FANCI: variants seen among roughly 807,000 people sequenced by gnomAD.
FANCI encodes FA complementation group I.
FANCI carries 156 observed loss-of-function variants against 176.1 expected under a neutral mutation model. The observed-to-expected ratio is 0.89, with a 90% CI of 0.78 to 1.01. The LOEUF is 1.01. FANCI is among the 50% of genes least tolerant of loss of function. FANCI has a pLI of 0.00. For synonymous variants in FANCI, 613 were observed against 541.7 expected, an observed-to-expected ratio of 1.13 and a Z score of -1.83; for missense variants, 1,678 against 1,534.1, an observed-to-expected ratio of 1.09 and a Z score of -1.57.
intron 30 of FANCI, 88 bp from the exon 31 acceptor site, chr15:89,305,517 C>A (rs1266158945): frequency 1.3e-6 from 2 of 1,595,480 alleles, no homozygotes; most frequent in East Asian, 2.2e-5. Context: ...GGCCTGTAAC[C>A]CACCTGTAGG....
chr15:89,282,753 CATTAT>C (rs1264050978), intron 16 of FANCI: 3 of 304,784 alleles, frequency 9.8e-6, no homozygotes, highest in East Asian at 1.6e-4. Context: ...TCAAATATTA[CATTAT>C]CCTATGATGA....
At chr15:89,254,174 G>A (rs1261441903) in intron 2 of FANCI, among the ~76,000 whole-genome samples, 3 of 151,954 alleles carry the variant, frequency 2.0e-5, no homozygotes, top group South Asian at 2.1e-4. Flanking sequence ...TTTGGGCAAC[G>A]TGGTCAAATC....
Position 89,316,430 on chromosome 15 carries a change from G to C in FANCI, c.3958G>C (p.Glu1320Gln). Residue 1320 changes from glutamate (E) to glutamine (Q), a missense_variant, in exon 38 of 38, where the codon GAA becomes CAA. Glu to Gln is a conservative substitution (Grantham distance 29, BLOSUM62 2). This residue lies in a region of FANCI where 1,204 missense variants were observed against 1,077.4 expected (regional missense o/e 1.12). Coordinates refer to ENST00000310775, the MANE Select transcript of FANCI (RefSeq NM_001113378.2). ...ATCAGAGCATGGGGGACAGAACAAA[G>C]AACCAGCCAAGAAGAAAAGGAAAAA... ...TASEHGGQNK[E>Q]PAKKKRKK 6.2e-7 allele frequency: 1 copy of C among 1,611,764 alleles called. No homozygotes were observed.
Position 89,317,054 on chromosome 15 carries a change from A to AT in FANCI, c.*598dup, listed in dbSNP as rs1364806620. On this transcript the variant is annotated 3_prime_UTR_variant, in exon 38 of 38. Coordinates refer to ENST00000310775, the MANE Select transcript of FANCI (RefSeq NM_001113378.2). The stretch of plus-strand genomic sequence containing the variant: ...AAGCTTTCTGATTTACTTGTTTGGT[A>AT]TTTAAAGCACAGTTTGTTTTTCTGT... 2 of 593,010 alleles carry AT rather than the reference A, an allele frequency of 3.4e-6. No homozygotes were observed. Among genetic ancestry groups the AT allele is most frequent in the Non-Finnish European group, 6.0e-6 (2 of 335,774 alleles). 36.7% of individuals were successfully genotyped at this position (593,010 alleles called of 1,614,324 possible).
At position 89,281,271 on chromosome 15, in the gene FANCI, A is replaced by T. The variant is rs1186002474; in HGVS notation, c.1483A>T (p.Thr495Ser). The T allele has an allele frequency of 1.2e-6, 2 of 1,613,758 alleles. No individual in the cohort carries two copies. The highest frequency in any genetic ancestry group is 2.7e-5 in the African/African-American group (2 of 74,922). The part of the protein sequence containing the change: ...FDYLSFLPLQ[T>S]VQRLLKAVQP... ...CTATTTGTCCTTTCTGCCCCTTCAGACTGTACAAAGGCTGCTTAAGGCAGT... is the reference window on the plus strand; with the variant it reads ...CTATTTGTCCTTTCTGCCCCTTCAGTCTGTACAAAGGCTGCTTAAGGCAGT... The change falls in exon 15 of 38, where the codon ACT becomes TCT. Residue 495 changes from threonine to serine, a missense_variant. Thr to Ser is a moderately conservative substitution (Grantham distance 58). Coordinates refer to ENST00000310775, the MANE Select transcript of FANCI (RefSeq NM_001113378.2).
chr15:89,302,206 G>C (rs1037476319), intron 27 of FANCI, among the ~76,000 whole-genome samples: 7 of 152,190 alleles, frequency 4.6e-5, no homozygotes, highest in African/African-American at 1.7e-4. Flanking sequence ...TGCCTCAGAA[G>C]ACTGTAGCCT....
intron 9 of FANCI, among the ~76,000 whole-genome samples, chr15:89,266,522 T>C (rs574744678): frequency 6.6e-6 from 1 of 151,732 alleles, no homozygotes; most frequent in South Asian, 2.1e-4. Flanking sequence ...AGAGACGGGC[T>C]TTCACCATAT....
At chr15:89,299,149 G>A (rs985634163) in intron 24 of FANCI, among the ~76,000 whole-genome samples, 1 of 146,196 alleles carries the variant, frequency 6.8e-6, no homozygotes, top group Admixed American at 6.9e-5. Context: ...CAGCCTGGGT[G>A]ACAGAGTGAG....
chr15:89,290,560 T>C (rs2054022403), intron 19 of FANCI: 2 of 405,420 alleles, frequency 4.9e-6, no homozygotes, highest in East Asian at 4.6e-5. Flanking sequence ...TAAGGACCAT[T>C]GCAACTGTAT....
intron 27 of FANCI, among the ~76,000 whole-genome samples, chr15:89,303,270 G>A (rs2054591823): frequency 6.6e-6 from 1 of 152,344 alleles, no homozygotes; most frequent in Non-Finnish European, 1.5e-5. Flanking sequence ...GCATTTCGGT[G>A]CCTTTGTAGC....
rs530306885 is a variant in FANCI at position 89,306,081 on chromosome 15, C to T, written c.3424C>T (p.Leu1142Phe). ...KAIIMQLGTLLTFFHELVQTA... is the reference protein window; with the variant it reads ...KAIIMQLGTLFTFFHELVQTA... ...TATCATCATGCAACTGGGAACTCTG[C>T]TTACATTTTTCCACGAGCTGGTGCA... The change falls in exon 32 of 38, where the codon CTT becomes TTT. Residue 1142 changes from leucine to phenylalanine, a missense_variant. Physicochemically the swap from Leu to Phe is conservative, Grantham distance 22 (BLOSUM62 0). Transcript: ENST00000310775. 3 of 1,614,216 alleles carry T rather than the reference C, an allele frequency of 1.9e-6. No homozygotes were observed. The highest frequency in any genetic ancestry group is 2.2e-5 in the South Asian group (2 of 91,088).
chr15:89,286,550 A>G (rs3940291), intron 18 of FANCI, among the ~76,000 whole-genome samples: 70,354 of 152,022 alleles, frequency 0.46, 17,136 homozygotes, highest in African/African-American at 0.62. Context: ...TATTTTGAGA[A>G]GAATCTTTTT....
downstream of FANCI, chr15:89,317,221 TGGACACA>T: frequency 1.4e-6 from 1 of 692,062 alleles, no homozygotes; most frequent in South Asian, 1.7e-5. Flanking sequence ...ACATTCACTC[TGGACACA>T]GGGCACCTTA....
At chr15:89,258,301 G>T (rs1264625160) in intron 2 of FANCI, among the ~76,000 whole-genome samples, 2 of 151,878 alleles carry the variant, frequency 1.3e-5, no homozygotes, top group African/African-American at 4.8e-5. Context: ...GTCTATCTCA[G>T]CCTCTTATTT....
chr15:89,263,003 G>A (rs1013846099), intron 6 of FANCI, among the ~76,000 whole-genome samples: 9 of 152,116 alleles, frequency 5.9e-5, no homozygotes, highest in African/African-American at 2.2e-4. Context: ...CAAAGTGTTG[G>A]GATAATAAGC....
chr15:89,283,243 T>C lies in FANCI; in HGVS notation c.1691T>C (p.Val564Ala). 1 of 1,613,972 alleles carries C rather than the reference T, an allele frequency of 6.2e-7. No homozygotes were observed. The highest frequency in any genetic ancestry group is 8.5e-7 in the Non-Finnish European group (1 of 1,179,820). Residue 564 changes from valine (V) to alanine (A), a missense_variant, in exon 17 of 38, where the codon GTC becomes GCC. Around this residue, in one of 3 missense-constraint regions of FANCI, gnomAD observed 1,204 missense variants for 1,077.4 expected, o/e 1.12. Transcript: ENST00000310775. ...SSSQCSQSLS[V>A]SQVHVDVHSH... The stretch of plus-strand genomic sequence containing the variant: ...TCTCAGTGCAGTCAGTCTCTCAGTG[T>C]CAGTCAGGTAAGGATTATTTACGTT...
rs1446384218 is a variant in FANCI, at chr15:89,308,957, A to AT, written c.3651+1285_3651+1286insT. On this transcript the variant is annotated intron_variant, in intron 34 of 37. Transcript: ENST00000310775. ...CGAAACTCCGTCTCAAAAAAAAAAA[A>AT]AATAAAGAATCAGCCATCAAGTGGG... Among the ~76,000 whole-genome samples, 473 of 151,588 alleles carry AT rather than the reference A, an allele frequency of 3.1e-3. 1 individual carries two copies. The highest frequency in any genetic ancestry group is 6.4e-3 in the Admixed American group (97 of 15,238).
At chr15:89,306,646 T>C (rs887874943) in intron 32 of FANCI, among the ~76,000 whole-genome samples, 1 of 152,064 alleles carries the variant, frequency 6.6e-6, no homozygotes, top group Non-Finnish European at 1.5e-5. Context: ...GAGCTGAGAT[T>C]GTGCCACTGT....
At chr15:89,313,270 G>A (rs1376153111) in intron 35 of FANCI, among the ~76,000 whole-genome samples, 4 of 152,068 alleles carry the variant, frequency 2.6e-5, no homozygotes, top group Non-Finnish European at 4.4e-5. Context: ...TGAAAAAAAA[G>A]TACATTGTGA....
Sources: gnomAD v4.1 joint callset for allele counts (sites outside exome capture counted in the v4.1 genomes callset) on GRCh38, gnomAD v4.1.1 for gene constraint, gnomAD v4.1.1 regional missense constraint, MANE v1.5 for transcripts, NCBI Gene and HGNC (gene_info 2026-07-23, HGNC 2026-07-21) for gene names.